Variants in TRIM69 observed in about 807,000 individuals in gnomAD.
TRIM69 encodes the protein tripartite motif containing 69.
A neutral mutation model predicts 37.7 loss-of-function variants in TRIM69; 29 were observed. The observed-to-expected ratio is 0.77, with a 90% CI of 0.57 to 1.05. The LOEUF is 1.05. Ranked by LOEUF, TRIM69 falls within the 50% of genes least tolerant of loss-of-function variation. The pLI is 0.00. For synonymous variants in TRIM69, 209 were observed against 212.4 expected (o/e 0.98, Z 0.14); for missense variants, 596 against 579.9 (o/e 1.03, Z -0.28).
intron 6 of TRIM69, among the ~76,000 whole-genome samples, chr15:44,761,153 C>T (rs2087767198): frequency 1.3e-5 from 2 of 152,224 alleles, no homozygotes; most frequent in South Asian, 4.1e-4. Flanking sequence ...CTCCTGACCT[C>T]GTGATCTGCC....
intron 6 of TRIM69, among the ~76,000 whole-genome samples, chr15:44,764,522 T>C (rs2087846977): frequency 6.6e-6 from 1 of 151,810 alleles, no homozygotes; most frequent in African/African-American, 2.4e-5. Context: ...TGTAAAGGTT[T>C]GAAGAGTAAA....
At chr15:44,764,786 A>AAAAGC (rs2087851795) in intron 6 of TRIM69, among the ~76,000 whole-genome samples, 1 of 152,226 alleles carries the variant, frequency 6.6e-6, no homozygotes, top group African/African-American at 2.4e-5. Context: ...CATATGGGGA[A>AAAAGC]AAAGCATTCT....
At chr15:44,747,163 C>T (rs2087426036) in intron 1 of TRIM69, among the ~76,000 whole-genome samples, 1 of 152,102 alleles carries the variant, frequency 6.6e-6, no homozygotes, top group African/African-American at 2.4e-5. Context: ...CTGGAGTAAC[C>T]CATTTGTTAT....
chr15:44,759,916 A>T, intron 6 of TRIM69, 44 bp downstream of exon 6: 1 of 1,581,622 alleles, frequency 6.3e-7, no homozygotes, highest in Non-Finnish European at 8.6e-7. Flanking sequence ...CTCCTAATCT[A>T]CGTTTAATCT....
At chr15:44,740,677 T>C (rs1008600628) in intron 1 of TRIM69, among the ~76,000 whole-genome samples, 1 of 151,350 alleles carries the variant, frequency 6.6e-6, no homozygotes, top group African/African-American at 2.4e-5. Flanking sequence ...TAGTCTCTGA[T>C]AAAACAGACT....
In TRIM69 at chr15:44,767,664, T is replaced by G; in HGVS notation, c.1395T>G (p.Ile465Met). 1 of 1,614,176 alleles carries G rather than the reference T, an allele frequency of 6.2e-7. No homozygotes were observed. Among genetic ancestry groups the G allele is most frequent in the Non-Finnish European group, 8.5e-7 (1 of 1,180,032 alleles). ...ACAATGCTAAAACCATGACTCACATTTACACCTTCAGTAACACTTTCATGG... is the reference window on the plus strand; with the variant it reads ...ACAATGCTAAAACCATGACTCACATGTACACCTTCAGTAACACTTTCATGG... ...SFYNAKTMTHIYTFSNTFMEK... is the reference protein window; with the variant it reads ...SFYNAKTMTHMYTFSNTFMEK... Residue 465 changes from isoleucine (I) to methionine (M), a missense_variant, in exon 7 of 7, where the codon ATT becomes ATG. Physicochemically the swap from Ile to Met is conservative, Grantham distance 10. Coordinates refer to ENST00000329464, the MANE Select transcript of TRIM69 (RefSeq NM_182985.5).
At chr15:44,737,945 A>C (rs2087195110) in intron 1 of TRIM69, among the ~76,000 whole-genome samples, 1 of 152,180 alleles carries the variant, frequency 6.6e-6, no homozygotes, top group Non-Finnish European at 1.5e-5. Flanking sequence ...GTAAAAATTA[A>C]GGATTTCTTA....
rs201166045 is a variant in TRIM69, at chr15:44,767,470, C to T, written c.1201C>T (p.Arg401Trp). 4.2e-5 allele frequency: 67 copies of T among 1,614,166 alleles called. No homozygotes were observed. Among genetic ancestry groups the T allele is most frequent in the Middle Eastern group, 1.6e-4 (1 of 6,062 alleles). The change falls in exon 7 of 7, where the codon CGG becomes TGG. Residue 401 changes from arginine (R) to tryptophan (W), a missense_variant. Physicochemically the swap from Arg to Trp is moderately radical, Grantham distance 101. Transcript: ENST00000329464. ...TVGVVRESII[R>W]KGSCPLTPEQ... ...TGGAGTTGTCAGAGAATCCATCATTCGGAAGGGCAGCTGTCCTCTAACTCC... is the reference window on the plus strand; with the variant it reads ...TGGAGTTGTCAGAGAATCCATCATTTGGAAGGGCAGCTGTCCTCTAACTCC...
chr15:44,739,909 G>A (rs1341982607), intron 1 of TRIM69, among the ~76,000 whole-genome samples: 2 of 151,250 alleles, frequency 1.3e-5, no homozygotes, highest in Non-Finnish European at 3.0e-5. Context: ...GGAGATCTGA[G>A]AATGGGCAGA....
At chr15:44,738,050 CTTTCTTTTT>C (rs11278388) in intron 1 of TRIM69, among the ~76,000 whole-genome samples, 84,855 of 116,890 alleles carry the variant, frequency 0.73, 30,781 homozygotes, top group Middle Eastern at 0.81. Flanking sequence ...TACTTTCTTT[CTTTCTTTTT>C]TTTTTTTTTT....
At chr15:44,762,821 C>T (rs2087805594) in intron 6 of TRIM69, among the ~76,000 whole-genome samples, 1 of 151,660 alleles carries the variant, frequency 6.6e-6, no homozygotes. Context: ...TCATCATTGT[C>T]ATTTCTGGGC....
chr15:44,747,304 A>T (rs1193380236), intron 1 of TRIM69, among the ~76,000 whole-genome samples: 1 of 152,144 alleles, frequency 6.6e-6, no homozygotes, highest in Non-Finnish European at 1.5e-5. Context: ...AGTGTTGATC[A>T]TGGGGAAAAA....
At chr15:44,754,610 C>T (rs2087603410) in intron 1 of TRIM69, 1 of 342,532 alleles carries the variant, frequency 2.9e-6, no homozygotes, top group Non-Finnish European at 5.3e-6. Flanking sequence ...ATAAAACTTT[C>T]AAAAGACACT....
At chr15:44,758,923 T>A in intron 4 of TRIM69, 69 bp downstream of exon 4, 1 of 1,525,814 alleles carries the variant, frequency 6.6e-7, no homozygotes, top group African/African-American at 1.4e-5. Flanking sequence ...TTGGAAAGAA[T>A]GCGGAAGTGG....
At chr15:44,737,740 A>G (rs756863249) in intron 1 of TRIM69, among the ~76,000 whole-genome samples, 26 of 152,336 alleles carry the variant, frequency 1.7e-4, no homozygotes, top group South Asian at 1.2e-3. Flanking sequence ...TGGCTGTGCT[A>G]TATAGTTTGT....
In TRIM69 at chr15:44,767,342, C is replaced by T; in HGVS notation, c.1073C>T (p.Pro358Leu). 6.2e-7 allele frequency: 1 copy of T among 1,614,086 alleles called. No individual in the cohort carries two copies. The highest frequency in any genetic ancestry group is 8.5e-7 in the Non-Finnish European group (1 of 1,180,028). The change falls in exon 7 of 7, where the codon CCT becomes CTT. Residue 358 changes from proline to leucine, a missense_variant. Pro to Leu is a moderately conservative substitution (Grantham distance 98). Coordinates refer to ENST00000329464, the MANE Select transcript of TRIM69 (RefSeq NM_182985.5). The part of the protein sequence containing the change: ...GDIKKIMPDD[P>L]ERFDSSVAVL... ...ATTAAGAAGATAATGCCTGATGATC[C>T]TGAGAGGTTTGACTCAAGTGTGGCT... is the stretch of plus-strand genomic sequence containing the variant.
intron 6 of TRIM69, among the ~76,000 whole-genome samples, chr15:44,762,670 A>G (rs183723467): frequency 7.5e-4 from 114 of 152,032 alleles, no homozygotes; most frequent in Admixed American, 2.7e-3. Context: ...TTTTCATTTT[A>G]TATACATTTC....
rs371213061 is a variant in TRIM69 at position 44,767,488 on chromosome 15, C to G, written c.1219C>G (p.Leu407Val). ...CATCATTCGGAAGGGCAGCTGTCCT[C>G]TAACTCCTGAGCAAGGATTCTGGCT... ...ESIIRKGSCPLTPEQGFWLLR... is the reference protein window; with the variant it reads ...ESIIRKGSCPVTPEQGFWLLR... Residue 407 changes from leucine to valine, a missense_variant, in exon 7 of 7, where the codon CTA (leucine) becomes GTA (valine). Coordinates refer to ENST00000329464, the MANE Select transcript of TRIM69 (RefSeq NM_182985.5). 2 of 1,614,214 alleles carry G rather than the reference C, an allele frequency of 1.2e-6. No individual in the cohort carries two copies. The highest frequency in any genetic ancestry group is 4.5e-5 in the East Asian group (2 of 44,892).
chr15:44,748,624 A>G (rs915646694), intron 1 of TRIM69, among the ~76,000 whole-genome samples: 2 of 151,918 alleles, frequency 1.3e-5, no homozygotes, highest in African/African-American at 2.4e-5. Context: ...CAGGAGTTCG[A>G]GACCAGCCTG....
Sources: gnomAD v4.1 joint callset for allele counts (sites outside exome capture counted in the v4.1 genomes callset) on GRCh38, gnomAD v4.1.1 for gene constraint, MANE v1.5 for transcripts, NCBI Gene and HGNC (gene_info 2026-07-23, HGNC 2026-07-21) for gene names.